The following WDR59 variants were observed in gnomAD, a reference collection of about 807,000 sequenced individuals.
WDR59 encodes GATOR2 complex protein WDR59.
A neutral mutation model predicts 131.2 loss-of-function variants in WDR59; 100 were observed. The observed-to-expected ratio is 0.76, with a 90% CI of 0.65 to 0.90. The LOEUF is 0.90. WDR59 is among the 40% of genes least tolerant of loss of function. WDR59 has a pLI of 0.00. For missense variants in WDR59, 1,203 were observed against 1,262.2 expected (o/e 0.95, Z 0.71); for synonymous variants, 601 against 466.2 (o/e 1.29, Z -3.72).
intron 18 of WDR59, among the ~76,000 whole-genome samples, chr16:74,895,814 G>A (rs1440527509): frequency 6.6e-6 from 1 of 152,194 alleles, no homozygotes. Flanking sequence ...ATGGGCTGGA[G>A]CCAGGCAGTG....
chr16:74,961,768 T>C (rs991296519), intron 2 of WDR59, among the ~76,000 whole-genome samples: 1 of 152,220 alleles, frequency 6.6e-6, no homozygotes, highest in African/African-American at 2.4e-5. Flanking sequence ...TAGTTTCTTT[T>C]GCTGTGCAGA....
intron 1 of WDR59, among the ~76,000 whole-genome samples, chr16:74,976,542 A>C (rs901248330): frequency 6.7e-6 from 1 of 149,844 alleles, no homozygotes; most frequent in Non-Finnish European, 1.5e-5. Flanking sequence ...TTTGGGTTCG[A>C]GCGATTCTCC....
chr16:74,944,859 C>T (rs527993844), intron 6 of WDR59, among the ~76,000 whole-genome samples: 32 of 152,268 alleles, frequency 2.1e-4, no homozygotes, highest in Admixed American at 5.2e-4. Context: ...TTCAGCTGGG[C>T]GCAGAGGCTC....
chr16:74,918,015 A>C lies in WDR59; in HGVS notation c.887-7T>G. On this transcript the variant is annotated splice_polypyrimidine_tract_variant and splice_region_variant and intron_variant, in intron 10 of 25. Transcript: ENST00000262144. ...AGTTGATAGTCCTTGGACCCTAGAA[A>C]TCACCAAATAAGAATCCTGGAAATT... 6.2e-7 allele frequency: 1 copy of C among 1,613,016 alleles called. No homozygotes were observed. The highest frequency in any genetic ancestry group is 8.5e-7 in the Non-Finnish European group (1 of 1,179,488).
At chr16:74,982,223 G>T (rs1450551188) in intron 1 of WDR59, among the ~76,000 whole-genome samples, 1 of 151,780 alleles carries the variant, frequency 6.6e-6, no homozygotes, top group Non-Finnish European at 1.5e-5. Flanking sequence ...ATTATGAAGA[G>T]TTTTAACTTT....
At chr16:74,951,129 C>T (rs1298231351) in intron 4 of WDR59, among the ~76,000 whole-genome samples, 1 of 143,458 alleles carries the variant, frequency 7.0e-6, no homozygotes, top group Non-Finnish European at 1.5e-5. Flanking sequence ...CATTGCACTC[C>T]AGCCTGGGCG....
chr16:74,933,372 T>A (rs1307190929), intron 8 of WDR59, among the ~76,000 whole-genome samples: 1 of 152,140 alleles, frequency 6.6e-6, no homozygotes, highest in East Asian at 1.9e-4. Flanking sequence ...TCTGAGCACA[T>A]CATTTGTTTA....
At chr16:74,939,204 G>C (rs1004202118) in intron 7 of WDR59, among the ~76,000 whole-genome samples, 3 of 152,046 alleles carry the variant, frequency 2.0e-5, no homozygotes, top group African/African-American at 2.4e-5. Context: ...GCCTCCCAAA[G>C]TGCTGGGATT....
At chr16:74,957,877 G>A (rs899427407) in intron 2 of WDR59, among the ~76,000 whole-genome samples, 1 of 152,152 alleles carries the variant, frequency 6.6e-6, no homozygotes, top group Non-Finnish European at 1.5e-5. Context: ...GAACTCTGAG[G>A]AGAGAAGATG....
intron 13 of WDR59, among the ~76,000 whole-genome samples, chr16:74,914,556 C>G (rs980235071): frequency 1.9e-4 from 29 of 151,460 alleles, no homozygotes; most frequent in Non-Finnish European, 5.9e-5. Flanking sequence ...TCCGTTTCCT[C>G]AGCTGTAAAG....
At chr16:74,876,510 G>C (rs1964220462) in intron 25 of WDR59, among the ~76,000 whole-genome samples, 1 of 151,866 alleles carries the variant, frequency 6.6e-6, no homozygotes, top group Non-Finnish European at 1.5e-5. Context: ...TATCTATCTG[G>C]GTAAAATTAT....
At chr16:74,935,112 C>T (rs1189075058) in intron 8 of WDR59, among the ~76,000 whole-genome samples, 3 of 151,966 alleles carry the variant, frequency 2.0e-5, no homozygotes, top group South Asian at 4.2e-4. Flanking sequence ...CCTTGTAATC[C>T]CAGCTACTGA....
At position 74,914,549 on chromosome 16, in the gene WDR59, G is replaced by A. The variant is rs547379831; in HGVS notation, c.1224+1321C>T. On this transcript the variant is annotated intron_variant, in intron 13 of 25. Coordinates refer to ENST00000262144, the MANE Select transcript of WDR59 (RefSeq NM_030581.4). ...GGACATTTCTTCTCTTGATGTCTCC[G>A]TTTCCTCAGCTGTAAAGTGAGGCTA... Among the ~76,000 whole-genome samples the A allele has an allele frequency of 4.0e-5, 6 of 151,242 alleles. No individual in the cohort carries two copies. The South Asian group carries it at 6.3e-4, about 16-fold the overall frequency.
Position 74,874,170 on chromosome 16 carries a change from G to C in WDR59, c.*39C>G, listed in dbSNP as rs750228144. Reference sequence around the variant, plus strand: ...GACAGCTTGTCACCGGCACTTATGGGTCCTCTGGGATTTCAGACAATACCC... The same window carrying C: ...GACAGCTTGTCACCGGCACTTATGGCTCCTCTGGGATTTCAGACAATACCC... On this transcript the variant is annotated 3_prime_UTR_variant, in exon 26 of 26. Coordinates refer to ENST00000262144, the MANE Select transcript of WDR59 (RefSeq NM_030581.4). 4.5e-6 allele frequency: 7 copies of C among 1,551,848 alleles called. No individual in the cohort carries two copies. The highest frequency in any genetic ancestry group is 5.3e-6 in the Non-Finnish European group (6 of 1,135,674).
intron 17 of WDR59, among the ~76,000 whole-genome samples, chr16:74,907,031 T>C (rs1359728168): frequency 6.6e-6 from 1 of 152,214 alleles, no homozygotes; most frequent in East Asian, 1.9e-4. Context: ...CAGTTATTCC[T>C]TCTTTCCCTT....
At chr16:74,903,491 TA>T (rs11402420) in intron 18 of WDR59, among the ~76,000 whole-genome samples, 23 of 148,524 alleles carry the variant, frequency 1.5e-4, no homozygotes, top group South Asian at 4.2e-4. Flanking sequence ...AGACTTAGTA[TA>T]AAAAAAAAAA....
chr16:74,951,159 CAAAAAAAAAA>C (rs71378721), intron 4 of WDR59, among the ~76,000 whole-genome samples: 4 of 74,654 alleles, frequency 5.4e-5, no homozygotes, highest in Admixed American at 1.6e-4. Context: ...GACTTCGTCT[CAAAAAAAAAA>C]AAAAAAAAAA....
intron 3 of WDR59, among the ~76,000 whole-genome samples, chr16:74,953,498 C>T (rs9926072): frequency 0.075 from 11,338 of 150,780 alleles, 1,373 homozygotes; most frequent in African/African-American, 0.26. Flanking sequence ...AAGTTGCCTT[C>T]CAACCAAGAA....
At chr16:74,917,854 A>G in intron 11 of WDR59, 75 bp downstream of exon 11, 1 of 1,316,636 alleles carries the variant, frequency 7.6e-7, no homozygotes, top group East Asian at 2.4e-5. Flanking sequence ...GTAACCTCTA[A>G]TTTCCGCAAA....
Sources: gnomAD v4.1 joint callset for allele counts (sites outside exome capture counted in the v4.1 genomes callset) on GRCh38, gnomAD v4.1.1 for gene constraint, MANE v1.5 for transcripts, NCBI Gene and HGNC (gene_info 2026-07-23, HGNC 2026-07-21) for gene names.